Variants in ITGA9 observed in about 807,000 individuals in gnomAD.
The protein encoded by ITGA9 is integrin subunit alpha 9.
ITGA9 carries 56 observed loss-of-function variants against 127.8 expected under a neutral mutation model. That is an observed-to-expected ratio of 0.44 (90% confidence interval 0.35 to 0.55). The LOEUF (loss-of-function observed/expected upper bound fraction) is 0.55. Ranked by LOEUF, ITGA9 falls within the 20% of genes least tolerant of loss-of-function variation. ITGA9 has a pLI of 0.00. For synonymous variants in ITGA9, 508 were observed against 514.5 expected, an observed-to-expected ratio of 0.99 and a Z score of 0.17; for missense variants, 1,196 against 1,347.1, an observed-to-expected ratio of 0.89 and a Z score of 1.76.
chr3:37,548,345 C>A (rs1351810395), intron 15 of ITGA9, among the ~76,000 whole-genome samples: 6 of 152,118 alleles, frequency 3.9e-5, no homozygotes, highest in African/African-American at 1.4e-4. Flanking sequence ...AGACAACTTT[C>A]TGGGGCGATG....
At chr3:37,551,827 C>CA (rs1425015390) in intron 15 of ITGA9, among the ~76,000 whole-genome samples, 2 of 152,214 alleles carry the variant, frequency 1.3e-5, no homozygotes, top group Non-Finnish European at 2.9e-5. Flanking sequence ...CTCTATCCTC[C>CA]AACACAGAGC....
At chr3:37,678,205 G>A (rs1000314727) in intron 17 of ITGA9, among the ~76,000 whole-genome samples, 11 of 152,186 alleles carry the variant, frequency 7.2e-5, no homozygotes, top group African/African-American at 2.6e-4. Context: ...ATAATTTTTG[G>A]GTTATATGAC....
chr3:37,577,274 G>T (rs921771532), intron 15 of ITGA9, among the ~76,000 whole-genome samples: 3 of 152,242 alleles, frequency 2.0e-5, no homozygotes, highest in Non-Finnish European at 4.4e-5. Context: ...TCTTGGGTGG[G>T]AATGCCTTGA....
At chr3:37,618,646 C>G (rs1355620433) in intron 15 of ITGA9, among the ~76,000 whole-genome samples, 2 of 152,228 alleles carry the variant, frequency 1.3e-5, no homozygotes, top group African/African-American at 4.8e-5. Context: ...TTAACCTAGT[C>G]AAGCCTTGGC....
chr3:37,660,929 A>T (rs1202887248), intron 17 of ITGA9, among the ~76,000 whole-genome samples: 1 of 152,252 alleles, frequency 6.6e-6, no homozygotes, highest in African/African-American at 2.4e-5. Context: ...TAACAGAGGT[A>T]CAAGAAGGCA....
At chr3:37,678,641 C>T (rs1377605012) in intron 17 of ITGA9, among the ~76,000 whole-genome samples, 1 of 151,950 alleles carries the variant, frequency 6.6e-6, no homozygotes, top group East Asian at 1.9e-4. Flanking sequence ...ATGATGGCAG[C>T]AAAAGAAAAG....
chr3:37,787,399 C>CA (rs1237602188), intron 26 of ITGA9, among the ~76,000 whole-genome samples: 1 of 152,106 alleles, frequency 6.6e-6, no homozygotes, highest in Non-Finnish European at 1.5e-5. Flanking sequence ...TGTACTCCCC[C>CA]AAAATACCAC....
chr3:37,669,195 C>G lies in ITGA9; in HGVS notation c.1917-14670C>G, dbSNP rs115956552. On this transcript the variant is annotated intron_variant, in intron 17 of 27. Transcript: ENST00000264741. ...ACCCACATCCCTTGCTGTGCAGGTG[C>G]ACTGCTCCCAGCTGCTGTGCTGGCT... Among the ~76,000 whole-genome samples the G allele has an allele frequency of 8.8e-3, 1,344 of 152,346 alleles. 23 individuals carry two copies. Among genetic ancestry groups the G allele is most frequent in the African/African-American group, 0.031 (1,292 of 41,576 alleles).
At chr3:37,555,492 A>C (rs1699421952) in intron 15 of ITGA9, among the ~76,000 whole-genome samples, 1 of 152,250 alleles carries the variant, frequency 6.6e-6, no homozygotes, top group Non-Finnish European at 1.5e-5. Context: ...ACATGTGGCT[A>C]GTGGCTACCA....
chr3:37,587,952 T>C (rs1302098979), intron 15 of ITGA9, among the ~76,000 whole-genome samples: 3 of 152,200 alleles, frequency 2.0e-5, no homozygotes, highest in African/African-American at 4.8e-5. Flanking sequence ...AGTGGCAGAA[T>C]TGGAGCTGGA....
intron 11 of ITGA9, among the ~76,000 whole-genome samples, chr3:37,523,048 T>C (rs749052832): frequency 1.3e-5 from 2 of 152,238 alleles, no homozygotes; most frequent in African/African-American, 4.8e-5. Context: ...GTTAATTACC[T>C]GTCTGTCTAG....
chr3:37,707,114 G>T (rs1280219767), intron 18 of ITGA9, among the ~76,000 whole-genome samples: 1 of 152,092 alleles, frequency 6.6e-6, no homozygotes, highest in Non-Finnish European at 1.5e-5. Context: ...ATAAAATCCA[G>T]ACTTTGAAAA....
intron 20 of ITGA9, among the ~76,000 whole-genome samples, chr3:37,738,473 C>T (rs925749215): frequency 2.0e-5 from 3 of 152,116 alleles, no homozygotes; most frequent in East Asian, 1.9e-4. Flanking sequence ...GGAGCCTGGG[C>T]GCTAAACCAT....
At chr3:37,666,360 C>T (rs1377173397) in intron 17 of ITGA9, among the ~76,000 whole-genome samples, 1 of 152,230 alleles carries the variant, frequency 6.6e-6, no homozygotes, top group Non-Finnish European at 1.5e-5. Context: ...TTACTTACTG[C>T]TGTAACAAAT....
chr3:37,595,639 T>C (rs1264057222), intron 15 of ITGA9, among the ~76,000 whole-genome samples: 2 of 152,222 alleles, frequency 1.3e-5, no homozygotes, highest in Non-Finnish European at 2.9e-5. Context: ...TTTTCCTCCA[T>C]GTTCCAACAA....
chr3:37,664,793 G>A (rs547377206), intron 17 of ITGA9, among the ~76,000 whole-genome samples: 7 of 152,136 alleles, frequency 4.6e-5, no homozygotes, highest in East Asian at 1.9e-4. Flanking sequence ...CATGCCAGCA[G>A]TTTCCTAAAA....
intron 26 of ITGA9, among the ~76,000 whole-genome samples, chr3:37,792,394 C>T (rs1486196893): frequency 1.4e-4 from 21 of 152,164 alleles, no homozygotes; most frequent in Non-Finnish European, 1.5e-5. Context: ...GGTTAGTCCC[C>T]AGGGAGTAGC....
At chr3:37,804,079 G>C in intron 27 of ITGA9, 137 bp downstream of exon 27, 1 of 1,309,176 alleles carries the variant, frequency 7.6e-7, no homozygotes. Context: ...TGACCCTTCA[G>C]GCAGGGAGTG....
intron 15 of ITGA9, among the ~76,000 whole-genome samples, chr3:37,626,219 A>C (rs1481956076): frequency 6.6e-6 from 1 of 152,230 alleles, no homozygotes; most frequent in Non-Finnish European, 1.5e-5. Context: ...TTTTAGGATG[A>C]TGTCAGAACC....
Sources: gnomAD v4.1 joint callset for allele counts (sites outside exome capture counted in the v4.1 genomes callset) on GRCh38, gnomAD v4.1.1 for gene constraint, MANE v1.5 for transcripts, NCBI Gene and HGNC (gene_info 2026-07-23, HGNC 2026-07-21) for gene names.